NFIB: variants seen among roughly 807,000 people sequenced by gnomAD.
The protein encoded by NFIB is nuclear factor I B.
NFIB carries 11 observed loss-of-function variants against 61.5 expected under a neutral mutation model. That is an observed-to-expected ratio of 0.18 (90% CI 0.11 to 0.30). NFIB has a LOEUF of 0.30. Ranked by LOEUF, NFIB falls within the 10% of genes least tolerant of loss-of-function variation. The pLI, the probability that NFIB is intolerant of heterozygous loss-of-function variation, is 1.00. For missense variants in NFIB, 471 were observed against 608.9 expected (o/e 0.77, Z 2.38); for synonymous variants, 260 against 216.5 (o/e 1.20, Z -1.76).
intron 2 of NFIB, among the ~76,000 whole-genome samples, chr9:14,232,315 C>T (rs1032595206): frequency 2.6e-5 from 4 of 152,254 alleles, no homozygotes; most frequent in South Asian, 4.1e-4. Flanking sequence ...TTAGGGATTA[C>T]GACCCCGTCA....
the NFIB span, among the ~76,000 whole-genome samples, chr9:14,490,078 T>C: frequency 6.6e-6 from 1 of 152,306 alleles, no homozygotes; most frequent in Non-Finnish European, 1.5e-5. Flanking sequence ...GTAATTCTGA[T>C]AAGTTGCCAA....
chr9:14,328,309 A>G (rs969578653), intron 1 of NFIB, among the ~76,000 whole-genome samples: 1 of 152,008 alleles, frequency 6.6e-6, no homozygotes, highest in African/African-American at 2.4e-5. Flanking sequence ...ATGCCTGGCT[A>G]ATTTTTTACA....
the NFIB span, among the ~76,000 whole-genome samples, chr9:14,443,025 A>ACCCCCCCCCCCCCCCCCCC: frequency 8.6e-6 from 1 of 116,522 alleles, no homozygotes. Context: ...ATCTAACCCA[A>ACCCCCCCCCCCCCCCCCCC]CCCCCCACCC....
chr9:14,224,457 T>C (rs956355171), intron 2 of NFIB, among the ~76,000 whole-genome samples: 5 of 152,234 alleles, frequency 3.3e-5, no homozygotes, highest in African/African-American at 9.6e-5. Flanking sequence ...TCCAGAATGA[T>C]GTACATACAC....
chr9:14,089,204 C>G (rs935666919), intron 10 of NFIB, among the ~76,000 whole-genome samples: 1 of 151,978 alleles, frequency 6.6e-6, no homozygotes, highest in Admixed American at 6.6e-5. Context: ...TCCTGCTCCT[C>G]CCCATCAGTA....
At chr9:14,488,465 A>G in the NFIB span, among the ~76,000 whole-genome samples, 1 of 152,178 alleles carries the variant, frequency 6.6e-6, no homozygotes, top group Non-Finnish European at 1.5e-5. Flanking sequence ...TGGGCACTAC[A>G]AATTTGCTTT....
chr9:14,409,122 T>C, the NFIB span, among the ~76,000 whole-genome samples: 3 of 152,192 alleles, frequency 2.0e-5, no homozygotes, highest in African/African-American at 7.2e-5. Flanking sequence ...ATGCATGCTG[T>C]AAACATTTCC....
At chr9:14,151,581 C>G (rs969253712) in intron 4 of NFIB, among the ~76,000 whole-genome samples, 1 of 152,086 alleles carries the variant, frequency 6.6e-6, no homozygotes, top group Non-Finnish European at 1.5e-5. Context: ...CCAATACCAG[C>G]TTGAATTGTC....
At chr9:14,286,813 T>A (rs772089352) in intron 2 of NFIB, among the ~76,000 whole-genome samples, 1 of 151,054 alleles carries the variant, frequency 6.6e-6, no homozygotes, top group Non-Finnish European at 1.5e-5. Context: ...ACAGAATGGC[T>A]TTTAAATGCC....
intron 2 of NFIB, among the ~76,000 whole-genome samples, chr9:14,242,606 C>G (rs1339897102): frequency 6.6e-6 from 1 of 152,204 alleles, no homozygotes; most frequent in Non-Finnish European, 1.5e-5. Context: ...AGAAAGCAAG[C>G]ACTGTCTGCT....
chr9:14,120,336 C>T lies in NFIB; in HGVS notation c.1245+104G>A. On this transcript the variant is annotated intron_variant, in intron 8 of 10. Coordinates refer to ENST00000380953, the MANE Select transcript of NFIB (RefSeq NM_001190737.2). The surrounding 1 kb of genome is among the most constrained non-coding windows in gnomAD (Gnocchi z 4.4). ...AACTTCCTGAAGATGGATTTCAAGG[C>T]TTGACGTTCTGCCAGACACACTGTC... 7.9e-7 allele frequency: 1 copy of T among 1,258,558 alleles called. No homozygotes were observed. The highest frequency in any genetic ancestry group is 1.2e-6 in the Non-Finnish European group (1 of 867,334). The allele number at this position is 1,258,558 out of a possible 1,614,324, so 78.0% of individuals were successfully genotyped here.
chr9:14,279,516 C>A (rs1216598223), intron 2 of NFIB, among the ~76,000 whole-genome samples: 1 of 152,080 alleles, frequency 6.6e-6, no homozygotes, highest in Non-Finnish European at 1.5e-5. Flanking sequence ...TCAAAAGGTA[C>A]GACTTCAAAG....
exon 1 of NFIB, chr9:14,398,847 G>A (rs1264445508): frequency 2.2e-6 from 1 of 464,898 alleles, no homozygotes. Context: ...AAGGGGTCCT[G>A]TACACTCGAG....
At chr9:14,258,076 G>A (rs2056398678) in intron 2 of NFIB, among the ~76,000 whole-genome samples, 1 of 152,130 alleles carries the variant, frequency 6.6e-6, no homozygotes, top group Admixed American at 6.5e-5. Flanking sequence ...GTTCTTTTAT[G>A]AACATAGTTA....
intron 1 of NFIB, among the ~76,000 whole-genome samples, chr9:14,343,700 G>T (rs1410866006): frequency 2.6e-5 from 4 of 152,066 alleles, no homozygotes; most frequent in Admixed American, 2.6e-4. Flanking sequence ...GGAAGAAAAA[G>T]GCTGGATTGG....
At chr9:14,479,370 G>T in the NFIB span, among the ~76,000 whole-genome samples, 1 of 152,124 alleles carries the variant, frequency 6.6e-6, no homozygotes, top group African/African-American at 2.4e-5. Context: ...AAACTTCTTC[G>T]GAGAAACAGC....
chr9:14,246,509 A>T (rs1424340391), intron 2 of NFIB, among the ~76,000 whole-genome samples: 1 of 152,158 alleles, frequency 6.6e-6, no homozygotes, highest in Non-Finnish European at 1.5e-5. Flanking sequence ...TCCTCCTCTG[A>T]GCCTTCAGTC....
chr9:14,185,092 G>GAATT (rs57241853), intron 2 of NFIB, among the ~76,000 whole-genome samples: 2 of 151,894 alleles, frequency 1.3e-5, no homozygotes. Context: ...TTTAAAAAAA[G>GAATT]TATACTCTAT....
At chr9:14,517,072 G>A in the NFIB span, among the ~76,000 whole-genome samples, 1 of 152,208 alleles carries the variant, frequency 6.6e-6, no homozygotes, top group African/African-American at 2.4e-5. Flanking sequence ...AAGCAGCTAA[G>A]CAGCTGTTGT....
Sources: allele counts gnomAD v4.1 joint callset (sites outside exome capture counted in the v4.1 genomes callset), GRCh38; gene constraint gnomAD v4.1.1; non-coding constraint Gnocchi (gnomAD v3.1); transcripts MANE v1.5; gene names NCBI Gene and HGNC (gene_info 2026-07-23, HGNC 2026-07-21).